MYLK: variants seen among roughly 807,000 people sequenced by gnomAD.
MYLK encodes myosin light chain kinase, smooth muscle.
A neutral mutation model predicts 203.4 loss-of-function variants in MYLK; 106 were observed. The ratio of observed to expected loss-of-function variants is 0.52; its 90% CI spans 0.45 to 0.61. The LOEUF (loss-of-function observed/expected upper bound fraction) is 0.61. Ranked by LOEUF, MYLK falls within the 20% of genes least tolerant of loss-of-function variation. The pLI is 0.00. For missense variants in MYLK, 2,072 were observed against 2,442.3 expected (o/e 0.85, Z 3.20); for synonymous variants, 867 against 959.5 (o/e 0.90, Z 1.78).
chr3:123,687,381 T>C (rs2060492887), intron 19 of MYLK, among the ~76,000 whole-genome samples: 1 of 152,108 alleles, frequency 6.6e-6, no homozygotes, highest in East Asian at 1.9e-4. Context: ...GCACCAAGGC[T>C]TGGGTTTAAC....
intron 3 of MYLK, among the ~76,000 whole-genome samples, chr3:123,827,158 T>C (rs1186086059): frequency 6.6e-6 from 1 of 152,072 alleles, no homozygotes; most frequent in Non-Finnish European, 1.5e-5. Context: ...ATCAGGAAAA[T>C]AATTGAAGAT....
chr3:123,702,463 C>A (rs1418416286), intron 16 of MYLK, among the ~76,000 whole-genome samples: 2 of 152,110 alleles, frequency 1.3e-5, no homozygotes, highest in African/African-American at 4.8e-5. Flanking sequence ...ACTGCCATGC[C>A]CAATTTAAAG....
chr3:123,684,084 A>G (rs570332948), intron 19 of MYLK, among the ~76,000 whole-genome samples: 1 of 152,098 alleles, frequency 6.6e-6, no homozygotes, highest in South Asian at 2.1e-4. Context: ...TACACTGGAC[A>G]TTTTCCCCAA....
At chr3:123,627,401 T>G (rs566427530) in intron 30 of MYLK, among the ~76,000 whole-genome samples, 1 of 152,354 alleles carries the variant, frequency 6.6e-6, no homozygotes, top group East Asian at 1.9e-4. Context: ...ACTTTCATGT[T>G]TAATGTCTTA....
chr3:123,662,210 A>C (rs563537646), intron 23 of MYLK, among the ~76,000 whole-genome samples: 1 of 152,162 alleles, frequency 6.6e-6, no homozygotes, highest in African/African-American at 2.4e-5. Flanking sequence ...GACATTCTGT[A>C]CCTACTTCAC....
intron 5 of MYLK, 86 bp from the exon 6 acceptor site, chr3:123,740,087 G>A: frequency 7.7e-7 from 1 of 1,298,536 alleles, no homozygotes; most frequent in Non-Finnish European, 1.1e-6. Context: ...GGGGTGGGTG[G>A]GATAGTGATG....
rs535818556 is a variant in MYLK, at chr3:123,695,451, G to C, written c.3449-2600C>G. Among the ~76,000 whole-genome samples the C allele has an allele frequency of 3.6e-4, 55 of 152,242 alleles. 1 individual carries two copies. The highest frequency in any genetic ancestry group is 1.6e-3 in the Admixed American group (25 of 15,284). ...TAAAACATATTTGTCATTCTGAGAA[G>C]GATGAAGGCATATTTCTGTAGCAGG... On this transcript the variant is annotated intron_variant, in intron 18 of 33. Coordinates refer to ENST00000360304, the MANE Select transcript of MYLK (RefSeq NM_053025.4).
intron 3 of MYLK, among the ~76,000 whole-genome samples, chr3:123,825,302 A>T (rs2066078509): frequency 2.6e-5 from 4 of 152,242 alleles, no homozygotes; most frequent in Admixed American, 2.6e-4. Context: ...GTAGCAGGGC[A>T]TGGAGATACA....
intron 16 of MYLK, among the ~76,000 whole-genome samples, chr3:123,702,971 A>G (rs1341606074): frequency 1.3e-5 from 2 of 152,224 alleles, no homozygotes; most frequent in African/African-American, 4.8e-5. Context: ...GGTCTGGGAC[A>G]TGTGTGTGTT....
chr3:123,694,499 G>A (rs1420528168), intron 18 of MYLK, among the ~76,000 whole-genome samples: 3 of 152,146 alleles, frequency 2.0e-5, no homozygotes, highest in African/African-American at 7.2e-5. Context: ...CCAACTAGAG[G>A]GGCTCAGAGG....
intron 29 of MYLK, among the ~76,000 whole-genome samples, chr3:123,632,345 CAG>C (rs1481066737): frequency 2.6e-5 from 4 of 152,174 alleles, no homozygotes; most frequent in Non-Finnish European, 4.4e-5. Context: ...CCACTGGAAA[CAG>C]AGAGGGGGGA....
intron 7 of MYLK, among the ~76,000 whole-genome samples, chr3:123,737,800 T>TGAG (rs1408900565): frequency 1.3e-5 from 2 of 152,234 alleles, no homozygotes; most frequent in Non-Finnish European, 2.9e-5. Context: ...AGCCTGAGTT[T>TGAG]GAGGTAGGAA....
At position 123,640,487 on chromosome 3, in the gene MYLK, A is replaced by G; in HGVS notation, c.4637T>C (p.Leu1546Pro). The G allele has an allele frequency of 6.2e-7, 1 of 1,613,990 alleles. No individual in the cohort carries two copies. Among genetic ancestry groups the G allele is most frequent in the Non-Finnish European group, 8.5e-7 (1 of 1,180,034 alleles). The change falls in exon 28 of 34, where the codon CTG becomes CCG. Residue 1546 changes from leucine (L) to proline (P), a missense_variant. Physicochemically the swap from Leu to Pro is moderately conservative, Grantham distance 98. Around this residue, in one of 3 missense-constraint regions of MYLK, gnomAD observed 524 missense variants for 782.4 expected, o/e 0.67. Transcript: ENST00000360304. This position sits in a 1 kb window ranked among gnomAD's most constrained non-coding sequence, Gnocchi z 4.3. The stretch of plus-strand genomic sequence containing the variant: ...GTCCTCGTCAATGATGCGCTCAAAC[A>G]GCTCCCCTCCTGACACGCTGCGGGA... ...MVLEIVSGGELFERIIDEDFE... is the reference protein window; with the variant it reads ...MVLEIVSGGEPFERIIDEDFE...
intron 13 of MYLK, among the ~76,000 whole-genome samples, chr3:123,712,104 G>A (rs1466815037): frequency 6.6e-6 from 1 of 152,210 alleles, no homozygotes; most frequent in Non-Finnish European, 1.5e-5. Flanking sequence ...GGAAGATGGG[G>A]CTCTCAGGCC....
chr3:123,662,153 T>TC (rs2059585137), intron 23 of MYLK, among the ~76,000 whole-genome samples: 1 of 152,130 alleles, frequency 6.6e-6, no homozygotes, highest in African/African-American at 2.4e-5. Context: ...CTTGCATGTC[T>TC]CCCCTCAAGA....
At chr3:123,735,578 G>T in intron 8 of MYLK, 162 bp from the exon 9 acceptor site, 1 of 741,194 alleles carries the variant, frequency 1.3e-6, no homozygotes, top group Non-Finnish European at 2.4e-6. Context: ...CCCAGCCCTA[G>T]AGTACATTGT....
rs926679145 is a variant in MYLK at position 123,640,625 on chromosome 3, G to T, written c.4620-121C>A. ...TGGCAGGAAAGCCCAGGGAATGGGGGTGATGGGCAATTCCTGAATCCCCAC... is the reference window on the plus strand; with the variant it reads ...TGGCAGGAAAGCCCAGGGAATGGGGTTGATGGGCAATTCCTGAATCCCCAC... On this transcript the variant is annotated intron_variant, in intron 27 of 33. Coordinates refer to ENST00000360304, the MANE Select transcript of MYLK (RefSeq NM_053025.4). The surrounding 1 kb of genome is among the most constrained non-coding windows in gnomAD (Gnocchi z 4.3). 2.1e-5 allele frequency: 21 copies of T among 998,314 alleles called. No homozygotes were observed. Among genetic ancestry groups the T allele is most frequent in the Non-Finnish European group, 3.1e-5 (20 of 646,748 alleles). The allele number at this position is 998,314 out of a possible 1,614,324, so 61.8% of individuals were successfully genotyped here.
intron 10 of MYLK, 82 bp downstream of exon 10, chr3:123,733,605 G>A: frequency 6.5e-7 from 1 of 1,541,180 alleles, no homozygotes; most frequent in East Asian, 2.2e-5. Context: ...AGGTGATGCA[G>A]ACTAGCTGGG....
At chr3:123,850,887 T>G (rs1293886407) in intron 2 of MYLK, among the ~76,000 whole-genome samples, 5 of 152,248 alleles carry the variant, frequency 3.3e-5, no homozygotes, top group Non-Finnish European at 1.5e-5. Flanking sequence ...GGTCTAACAT[T>G]TAAGTCTTTA....
Sources: allele counts gnomAD v4.1 joint callset (sites outside exome capture counted in the v4.1 genomes callset), GRCh38; gene constraint gnomAD v4.1.1; regional missense constraint gnomAD v4.1.1; non-coding constraint Gnocchi (gnomAD v3.1); transcripts MANE v1.5; gene names NCBI Gene and HGNC (gene_info 2026-07-23, HGNC 2026-07-21).